CST11: variants seen among roughly 807,000 people sequenced by gnomAD.
CST11 encodes the protein cystatin 11.
A neutral mutation model predicts 14.0 loss-of-function variants in CST11; 13 were observed. That is an observed-to-expected ratio of 0.93 (90% CI 0.60 to 1.47). The LOEUF is 1.47. Ranked by LOEUF, CST11 falls within the 40% of genes most tolerant of loss-of-function variation. The pLI is 0.00. For missense variants in CST11, 181 were observed against 160.0 expected (o/e 1.13, Z -0.71); for synonymous variants, 64 against 57.8 (o/e 1.11, Z -0.48).
intron 2 of CST11, among the ~76,000 whole-genome samples, chr20:23,451,049 ATC>A (rs1207888452): frequency 2.0e-5 from 3 of 151,864 alleles, no homozygotes; most frequent in Non-Finnish European, 2.9e-5. Flanking sequence ...CCATTTACCC[ATC>A]TGTCGACCCA....
At chr20:23,451,776 A>T (rs1360581451) in intron 2 of CST11, 40 bp downstream of exon 2, 1 of 1,450,054 alleles carries the variant, frequency 6.9e-7, no homozygotes, top group South Asian at 1.2e-5. Context: ...ACCTCACTGA[A>T]AAGGACTTCT....
intron 1 of CST11, 38 bp downstream of exon 1, chr20:23,452,546 T>G: frequency 2.3e-6 from 3 of 1,322,042 alleles, no homozygotes; most frequent in African/African-American, 1.4e-5. Context: ...GATGTGGGCG[T>G]ATCAGGCCTG....
In CST11 at chr20:23,451,859, G is replaced by C. The variant is rs1166857346; in HGVS notation, c.290C>G (p.Pro97Arg). Residue 97 changes from proline (P) to arginine (R), a missense_variant, in exon 2 of 3, where the codon CCA becomes CGA. Physicochemically the swap from Pro to Arg is moderately radical, Grantham distance 103. Coordinates refer to ENST00000377009, the MANE Select transcript of CST11 (RefSeq NM_130794.2). Reference protein sequence around the residue: ...VEMQWTTCQKPETTNCVPQER... With the variant: ...VEMQWTTCQKRETTNCVPQER... ...CTGGGGGACACAGTTCGTGGTCTCTGGCTTTTGGCAGGTGGTCCACTGCAT... is the reference window on the plus strand; with the variant it reads ...CTGGGGGACACAGTTCGTGGTCTCTCGCTTTTGGCAGGTGGTCCACTGCAT... 6.2e-7 allele frequency: 1 copy of C among 1,614,126 alleles called. No individual in the cohort carries two copies. The highest frequency in any genetic ancestry group is 1.1e-5 in the South Asian group (1 of 91,080).
At chr20:23,452,065 A>C in intron 1 of CST11, 145 bp from the exon 2 acceptor site, 1 of 584,152 alleles carries the variant, frequency 1.7e-6, no homozygotes, top group Non-Finnish European at 3.1e-6. Context: ...CCTCTATTTG[A>C]CTCATGATTG....
Position 23,451,908 on chromosome 20 carries a change from G to T in CST11, c.241C>A (p.Leu81Met). Residue 81 changes from leucine to methionine, a missense_variant, in exon 2 of 3, where the codon CTG (leucine) becomes ATG (methionine). Coordinates refer to ENST00000377009, the MANE Select transcript of CST11 (RefSeq NM_130794.2). ...ATTTCCACATTCAGGTGATACTCCA[G>T]GTGGTCAGTGACCTGTGGGCGCCAG... ...LKVQRQVTDH[L>M]EYHLNVEMQW... is the part of the protein sequence containing the mutation. 6.2e-7 allele frequency: 1 copy of T among 1,613,800 alleles called. No individual in the cohort carries two copies. The highest frequency in any genetic ancestry group is 1.1e-5 in the South Asian group (1 of 91,074).
chr20:23,450,627 C>T (rs773626034), intron 2 of CST11, 38 bp from the exon 3 acceptor site: 3 of 1,524,422 alleles, frequency 2.0e-6, no homozygotes, highest in Non-Finnish European at 2.7e-6. Context: ...TAAAAGACGC[C>T]AGGTGAAATT....
Position 23,451,917 on chromosome 20 carries a change from TG to T in CST11, c.231del (p.Thr78LeufsTer8). The T allele has an allele frequency of 6.2e-7, 1 of 1,613,438 alleles. No individual in the cohort carries two copies. Among genetic ancestry groups the T allele is most frequent in the South Asian group, 1.1e-5 (1 of 91,070 alleles). On this transcript the variant is annotated frameshift_variant and splice_region_variant, in exon 2 of 3. Coordinates refer to ENST00000377009, the MANE Select transcript of CST11 (RefSeq NM_130794.2). LOFTEE classifies it high-confidence loss of function. ...TTCAGGTGATACTCCAGGTGGTCAG[TG>T]ACCTGTGGGCGCCAGGCGTGGGGGA... is the stretch of plus-strand genomic sequence containing the variant. ...IFRVLKVQRQ[V>X]TDHLEYHLNV...
Position 23,450,514 on chromosome 20 carries a change from TG to T in CST11, c.408del (p.Ser136ArgfsTer16). On this transcript the variant is annotated frameshift_variant, in exon 3 of 3. Transcript: ENST00000377009. LOFTEE classifies it high-confidence loss of function. ...EQYKILNKSC[S>X]SD ...TGTACACTCCAGGACACCTAGTCAC[TG>T]CTGCAGCTTTTGTTCAAAATTTTGT... 6.2e-7 allele frequency: 1 copy of T among 1,611,590 alleles called. No individual in the cohort carries two copies. Among genetic ancestry groups the T allele is most frequent in the South Asian group, 1.1e-5 (1 of 90,910 alleles).
intron 1 of CST11, among the ~76,000 whole-genome samples, chr20:23,452,202 C>T (rs1054188319): frequency 7.0e-4 from 106 of 152,120 alleles, no homozygotes; most frequent in African/African-American, 2.2e-3. Flanking sequence ...AAACTTTTTC[C>T]GTAAAGGGCT....
At chr20:23,452,384 T>C (rs1392460776) in intron 1 of CST11, among the ~76,000 whole-genome samples, 200 bp downstream of exon 1, 2 of 152,198 alleles carry the variant, frequency 1.3e-5, no homozygotes, top group African/African-American at 2.4e-5. Context: ...CCTTGGGATG[T>C]AATGTGCTGA....
Position 23,452,666 on chromosome 20 carries a change from T to C in CST11, c.146A>G (p.Gln49Arg). 1 of 1,614,134 alleles carries C rather than the reference T, an allele frequency of 6.2e-7. No individual in the cohort carries two copies. Among genetic ancestry groups the C allele is most frequent in the Non-Finnish European group, 8.5e-7 (1 of 1,179,962 alleles). The stretch of plus-strand genomic sequence containing the variant: ...CTTGTTATACTGGTCGGTGATCCAC[T>C]GCAAGCTGTCCTTCGCATAGTTTTC... Reference protein sequence around the residue: ...AVENYAKDSLQWITDQYNKES... With the variant: ...AVENYAKDSLRWITDQYNKES... Residue 49 changes from glutamine to arginine, a missense_variant, in exon 1 of 3, where the codon CAG becomes CGG. Transcript: ENST00000377009.
In CST11 at chr20:23,450,596, C is replaced by CA. The variant is rs745691866; in HGVS notation, c.334-8dup. ...AGAAGAAGCAGTTGACTTGCTAAAA[C>CA]AAAAAACAAAGGCAATATTTTAAAA... On this transcript the variant is annotated splice_polypyrimidine_tract_variant and splice_region_variant and intron_variant, in intron 2 of 2. Transcript: ENST00000377009. 1.3e-6 allele frequency: 2 copies of CA among 1,598,106 alleles called. No individual in the cohort carries two copies. Among genetic ancestry groups the CA allele is most frequent in the African/African-American group, 1.3e-5 (1 of 74,474 alleles).
In CST11 at chr20:23,450,511, C is replaced by A. The variant is rs1185884936; in HGVS notation, c.412G>T (p.Asp138Tyr). The A allele has an allele frequency of 1.2e-6, 2 of 1,610,104 alleles. No individual in the cohort carries two copies. Among genetic ancestry groups the A allele is most frequent in the Non-Finnish European group, 8.5e-7 (1 of 1,176,878 alleles). Residue 138 changes from aspartate to tyrosine, a missense_variant, in exon 3 of 3, where the codon GAC (aspartate) becomes TAC (tyrosine). Transcript: ENST00000377009. The stretch of plus-strand genomic sequence containing the variant: ...AGTTGTACACTCCAGGACACCTAGT[C>A]ACTGCTGCAGCTTTTGTTCAAAATT... ...YKILNKSCSS[D>Y]
rs372121340 is a variant in CST11 at position 23,451,805 on chromosome 20, T to C, written c.333+11A>G. The C allele has an allele frequency of 9.3e-6, 15 of 1,606,196 alleles. No homozygotes were observed. Among genetic ancestry groups the C allele is most frequent in the Non-Finnish European group, 1.2e-5 (14 of 1,173,912 alleles). ...GACTTCTGTCTACGTTAAAGTGCTT[T>C]TACCCAATACCTTGTGAAGCTCCCT... On this transcript the variant is annotated intron_variant, in intron 2 of 2. Coordinates refer to ENST00000377009, the MANE Select transcript of CST11 (RefSeq NM_130794.2).
chr20:23,452,443 A>C lies in CST11; in HGVS notation c.228+141T>G, dbSNP rs1175420247. 14 of 660,936 alleles carry C rather than the reference A, an allele frequency of 2.1e-5. No individual in the cohort carries two copies. In the South Asian group the frequency reaches 2.5e-4, roughly 12 times the overall value. The allele number at this position is 660,936 out of a possible 1,614,324, so 40.9% of individuals were successfully genotyped here. A position where few individuals can be genotyped will look rare whatever the true frequency, so the allele number is the denominator to read the frequency against. On this transcript the variant is annotated intron_variant, in intron 1 of 2. Coordinates refer to ENST00000377009, the MANE Select transcript of CST11 (RefSeq NM_130794.2). ...TTAAGTGCCTTAATTTCATCACCCT[A>C]GTGAATTTATGCTTCTCTTAAAGTG...
In CST11 at chr20:23,452,594, A is replaced by G. The variant is rs147166434; in HGVS notation, c.218T>C (p.Val73Ala). 1.2e-5 allele frequency: 20 copies of G among 1,610,854 alleles called. No homozygotes were observed. In the African/African-American group the frequency reaches 2.4e-4, roughly 19 times the overall value. Reference protein sequence around the residue: ...YHFRIFRVLKVQRQVTDHLEY... With the variant: ...YHFRIFRVLKAQRQVTDHLEY... ...AAGTCATACACTCACCTGCCTCTGG[A>G]CTTTAAGGACTCGGAAGATCCTGAA... The change falls in exon 1 of 3, where the codon GTC (valine) becomes GCC (alanine). Residue 73 changes from valine (V) to alanine (A), a missense_variant. Val to Ala is a moderately conservative substitution (Grantham distance 64, BLOSUM62 0). Transcript: ENST00000377009.
At chr20:23,450,724 CAGAA>C in intron 2 of CST11, 135 bp from the exon 3 acceptor site, 1 of 537,168 alleles carries the variant, frequency 1.9e-6, no homozygotes, top group Non-Finnish European at 3.3e-6. Context: ...TGACCACAAA[CAGAA>C]GGACATTTTC....
intron 2 of CST11, among the ~76,000 whole-genome samples, chr20:23,451,604 A>G (rs1987090844): frequency 6.6e-6 from 1 of 152,144 alleles, no homozygotes; most frequent in Non-Finnish European, 1.5e-5. Context: ...GGACATGTTC[A>G]GCCTCCTCAC....
chr20:23,450,622 G>A lies in CST11; in HGVS notation c.334-33C>T, dbSNP rs1987061020. The A allele has an allele frequency of 2.0e-6, 3 of 1,538,336 alleles. No homozygotes were observed. The East Asian group carries it at 6.8e-5, about 35-fold the overall frequency. Reference sequence around the variant, plus strand: ...AAAAAACAAAGGCAATATTTTAAAAGACGCCAGGTGAAATTTAAAAGGAGA... The same window carrying A: ...AAAAAACAAAGGCAATATTTTAAAAAACGCCAGGTGAAATTTAAAAGGAGA... On this transcript the variant is annotated intron_variant, in intron 2 of 2. Transcript: ENST00000377009.
Sources: allele counts gnomAD v4.1 joint callset (sites outside exome capture counted in the v4.1 genomes callset), GRCh38; gene constraint gnomAD v4.1.1; transcripts MANE v1.5; gene names NCBI Gene and HGNC (gene_info 2026-07-23, HGNC 2026-07-21).